DUOXA2: variants seen among roughly 807,000 people sequenced by gnomAD.
DUOXA2 encodes the protein dual oxidase maturation factor 2.
A neutral mutation model predicts 27.6 loss-of-function variants in DUOXA2; 22 were observed. The observed-to-expected ratio is 0.80, with a 90% CI of 0.57 to 1.14. The LOEUF (loss-of-function observed/expected upper bound fraction) is 1.14, where lower values mean the gene tolerates loss of function less well. Ranked by LOEUF, DUOXA2 falls within the 50% of genes most tolerant of loss-of-function variation. The pLI is 0.00. For missense variants in DUOXA2, 481 were observed against 419.9 expected (o/e 1.15, Z -1.27); for synonymous variants, 188 against 184.4 (o/e 1.02, Z -0.16).
intron 3 of DUOXA2, 98 bp from the exon 4 acceptor site, chr15:45,116,418 C>T (rs1566981613): frequency 6.4e-7 from 1 of 1,563,610 alleles, no homozygotes; most frequent in Non-Finnish European, 8.8e-7. Context: ...ACCCATTTCT[C>T]CCGCCGAGAG....
At position 45,117,620 on chromosome 15, in the gene DUOXA2, G is replaced by A. The variant is rs765767945; in HGVS notation, c.770-96G>A. The stretch of plus-strand genomic sequence containing the variant: ...AATCCCAGCACTTTGGGAGGTCGAG[G>A]CAGGAAGGTCGTTTGAGGCCAGAGT... On this transcript the variant is annotated intron_variant, in intron 5 of 5. Transcript: ENST00000323030. 5 of 1,613,616 alleles carry A rather than the reference G, an allele frequency of 3.1e-6. No individual in the cohort carries two copies. In the Admixed American group the frequency reaches 5.0e-5, roughly 16 times the overall value.
intron 3 of DUOXA2, 101 bp downstream of exon 3, chr15:45,116,359 A>C: frequency 1.3e-6 from 2 of 1,570,474 alleles, no homozygotes; most frequent in Non-Finnish European, 1.7e-6. Flanking sequence ...CCACAAGCTC[A>C]AATAGCTTGT....
At chr15:45,114,774 A>C (rs1894561726) in intron 1 of DUOXA2, 22 bp downstream of exon 1, 1 of 1,614,076 alleles carries the variant, frequency 6.2e-7, no homozygotes, top group Non-Finnish European at 8.5e-7. Flanking sequence ...CTCATAGTGC[A>C]GGTAGAGTGG....
rs185089407 is a variant in DUOXA2, at chr15:45,117,271, G to C, written c.735G>C (p.Gln245His). 3.2e-5 allele frequency: 51 copies of C among 1,604,686 alleles called. No individual in the cohort carries two copies. In the East Asian group the frequency reaches 1.1e-3, roughly 35 times the overall value. Residue 245 changes from glutamine (Q) to histidine (H), a missense_variant, in exon 5 of 6, where the codon CAG becomes CAC. Physicochemically the swap from Gln to His is conservative, Grantham distance 24 (BLOSUM62 0). Coordinates refer to ENST00000323030, the MANE Select transcript of DUOXA2 (RefSeq NM_207581.4). ...TAGGCTCCTCCGCGCTCACCACTCA[G>C]TACGGCGCCGCCTTCTGGGTCACGC... is the stretch of plus-strand genomic sequence containing the variant. Reference protein sequence around the residue: ...LRLGSSALTTQYGAAFWVTLA... With the variant: ...LRLGSSALTTHYGAAFWVTLA...
At position 45,114,903 on chromosome 15, in the gene DUOXA2, C is replaced by A; in HGVS notation, c.147+151C>A. ...GAGTGAAGTCAGGAGTCTGGTGCAG[C>A]AAGCACCCCTTTCCAAGGATAGGGA... On this transcript the variant is annotated intron_variant, in intron 1 of 5. Coordinates refer to ENST00000323030, the MANE Select transcript of DUOXA2 (RefSeq NM_207581.4). The A allele has an allele frequency of 5.9e-6, 7 of 1,191,480 alleles. No homozygotes were observed. The East Asian group carries it at 1.2e-4, about 20-fold the overall frequency. The allele number at this position is 1,191,480 out of a possible 1,614,324, so 73.8% of individuals were successfully genotyped here.
chr15:45,114,596 G>C lies in DUOXA2; in HGVS notation c.-10G>C, dbSNP rs1894553761. ...GCCCGCCTGCGTGCAGCACTCGGCC[G>C]GCGTGCAGCATGACCCTGTGGAACG... is the stretch of plus-strand genomic sequence containing the variant. On this transcript the variant is annotated 5_prime_UTR_variant, in exon 1 of 6. Transcript: ENST00000323030. The C allele has an allele frequency of 1.2e-6, 2 of 1,613,488 alleles. No individual in the cohort carries two copies. Among genetic ancestry groups the C allele is most frequent in the South Asian group, 2.2e-5 (2 of 91,076 alleles).
intron 1 of DUOXA2, 88 bp downstream of exon 1, chr15:45,114,840 C>T (rs781085691): frequency 6.3e-7 from 1 of 1,586,254 alleles, no homozygotes; most frequent in East Asian, 2.2e-5. Context: ...TAAGACTGTA[C>T]AAGAGCCTCC....
In DUOXA2 at chr15:45,116,157, C is replaced by T; in HGVS notation, c.239C>T (p.Thr80Ile). The T allele has an allele frequency of 6.2e-7, 1 of 1,613,050 alleles. No homozygotes were observed. Among genetic ancestry groups the T allele is most frequent in the Non-Finnish European group, 8.5e-7 (1 of 1,179,466 alleles). ...TTCAGTGCAGAATGGTTCGTGGGTA[C>T]AGTGAACACCAACACATCCTACAAA... ...VHFSAEWFVG[T>I]VNTNTSYKAF... The change falls in exon 3 of 6, where the codon ACA becomes ATA. Residue 80 changes from threonine to isoleucine, a missense_variant. Thr to Ile is a moderately conservative substitution (Grantham distance 89). Transcript: ENST00000323030.
At chr15:45,116,043 G>C in intron 2 of DUOXA2, 81 bp from the exon 3 acceptor site, 2 of 1,607,970 alleles carry the variant, frequency 1.2e-6, no homozygotes, top group South Asian at 2.2e-5. Context: ...CCATCTCTCT[G>C]CAGTGTCCCA....
chr15:45,116,401 C>G, intron 3 of DUOXA2, 115 bp from the exon 4 acceptor site: 1 of 1,554,766 alleles, frequency 6.4e-7, no homozygotes, highest in Non-Finnish European at 8.8e-7. Context: ...TCTCCAACCA[C>G]CACCGAACCC....
At position 45,116,727 on chromosome 15, in the gene DUOXA2, A is replaced by C. The variant is rs1894651928; in HGVS notation, c.552A>C (p.Leu184=). The C allele has an allele frequency of 4.3e-6, 7 of 1,613,112 alleles. No individual in the cohort carries two copies. The highest frequency in any genetic ancestry group is 5.9e-6 in the Non-Finnish European group (7 of 1,179,926). ...HLAGHYASAT[L]WVAFCFWLLS... ...CGGGACACTACGCCTCGGCCACGCTATGGTAAGTGCTGGAGGGAAGGCTGT... is the reference window on the plus strand; with the variant it reads ...CGGGACACTACGCCTCGGCCACGCTCTGGTAAGTGCTGGAGGGAAGGCTGT... Residue 184 remains leucine (L), a splice_region_variant and synonymous_variant, in exon 4 of 6, where the codon CTA becomes CTC. Coordinates refer to ENST00000323030, the MANE Select transcript of DUOXA2 (RefSeq NM_207581.4).
Position 45,117,263 on chromosome 15 carries a change from A to G in DUOXA2, c.727A>G (p.Thr243Ala), listed in dbSNP as rs1025807218. Residue 243 changes from threonine (T) to alanine (A), a missense_variant, in exon 5 of 6, where the codon ACC becomes GCC. Transcript: ENST00000323030. The stretch of plus-strand genomic sequence containing the variant: ...GCTCCGCCTAGGCTCCTCCGCGCTC[A>G]CCACTCAGTACGGCGCCGCCTTCTG... ...CPLRLGSSAL[T>A]TQYGAAFWVT... 5.6e-6 allele frequency: 9 copies of G among 1,607,590 alleles called. 1 individual carries two copies. Among genetic ancestry groups the G allele is most frequent in the South Asian group, 5.5e-5 (5 of 90,626 alleles).
chr15:45,117,782 G>T lies in DUOXA2; in HGVS notation c.836G>T (p.Arg279Leu), dbSNP rs1275610426. The change falls in exon 6 of 6, where the codon CGC becomes CTC. Residue 279 changes from arginine to leucine, a missense_variant. Arg to Leu is a moderately radical substitution (Grantham distance 102). Transcript: ENST00000323030. ...CAGTATGTTCGGCCCAGCGCTCTTC[G>T]CACCCTTCTGGACCAAAGCGCCAAG... is the stretch of plus-strand genomic sequence containing the variant. ...SLQYVRPSAL[R>L]TLLDQSAKDC... 7 of 1,613,822 alleles carry T rather than the reference G, an allele frequency of 4.3e-6. No individual in the cohort carries two copies.
At chr15:45,116,896 A>C (rs1285167903) in intron 4 of DUOXA2, 167 bp downstream of exon 4, 3 of 1,074,558 alleles carry the variant, frequency 2.8e-6, no homozygotes, top group Non-Finnish European at 4.1e-6. Context: ...AGATCTGCAC[A>C]GACGGAATCC....
Position 45,114,734 on chromosome 15 carries a change from G to A in DUOXA2, c.129G>A (p.Pro43=). Residue 43 remains proline, a synonymous_variant, in exon 1 of 6, where the codon CCG becomes CCA. Coordinates refer to ENST00000323030, the MANE Select transcript of DUOXA2 (RefSeq NM_207581.4). ...ALAASFLLIL[P]GIRGHSRWFW... is the part of the protein sequence containing the mutation. ...CAGCAAGCTTCCTGCTCATCTTGCC[G>A]GGGATCCGTGGCCACTCGGTAAGGG... 1.2e-6 allele frequency: 2 copies of A among 1,614,200 alleles called. No individual in the cohort carries two copies. The highest frequency in any genetic ancestry group is 2.7e-5 in the African/African-American group (2 of 75,056).
In DUOXA2 at chr15:45,114,390, G is replaced by T; in HGVS notation, c.-216G>T. The stretch of plus-strand genomic sequence containing the variant: ...CAGTGAGAAATAGTTTCGCTCGCCG[G>T]CTAGAAAAACTCTGTCGGTACCAAC... On this transcript the variant is annotated 5_prime_UTR_variant, in exon 1 of 6. Coordinates refer to ENST00000323030, the MANE Select transcript of DUOXA2 (RefSeq NM_207581.4). The T allele has an allele frequency of 1.6e-6, 1 of 617,894 alleles. No homozygotes were observed. Among genetic ancestry groups the T allele is most frequent in the East Asian group, 2.8e-5 (1 of 35,676 alleles). 38.3% of individuals were successfully genotyped at this position (617,894 alleles called of 1,614,324 possible).
Position 45,118,125 on chromosome 15 carries a change from T to C in DUOXA2, c.*216T>C. The C allele has an allele frequency of 6.9e-7, 1 of 1,447,522 alleles. No individual in the cohort carries two copies. The highest frequency in any genetic ancestry group is 9.0e-7 in the Non-Finnish European group (1 of 1,105,236). 89.7% of individuals were successfully genotyped at this position (1,447,522 alleles called of 1,614,324 possible). On this transcript the variant is annotated 3_prime_UTR_variant, in exon 6 of 6. Transcript: ENST00000323030. The stretch of plus-strand genomic sequence containing the variant: ...TTAAAAACTGTTTTTCCCATTAATT[T>C]TCATGGCTTCTCCGCGCCGGGGTCG...
At position 45,117,205 on chromosome 15, in the gene DUOXA2, C is replaced by A; in HGVS notation, c.669C>A (p.Ala223=). The part of the protein sequence containing the change: ...TGAFALFGVF[A]LASISSVPLC... ...CCTTCGCGCTCTTCGGGGTCTTCGC[C>A]TTGGCCTCCATCTCTAGCGTGCCGC... The change falls in exon 5 of 6, where the codon GCC becomes GCA. Residue 223 remains alanine (A), a synonymous_variant. Coordinates refer to ENST00000323030, the MANE Select transcript of DUOXA2 (RefSeq NM_207581.4). 1 of 1,609,406 alleles carries A rather than the reference C, an allele frequency of 6.2e-7. No homozygotes were observed.
intron 1 of DUOXA2, chr15:45,115,440 C>A (rs777236562): frequency 3.9e-6 from 2 of 507,366 alleles, no homozygotes; most frequent in African/African-American, 3.8e-5. Flanking sequence ...GTGACCCCTG[C>A]GTGCCTAGCA....
Sources: gnomAD v4.1 joint callset for allele counts on GRCh38, gnomAD v4.1.1 for gene constraint, MANE v1.5 for transcripts, NCBI Gene and HGNC (gene_info 2026-07-23, HGNC 2026-07-21) for gene names.